RPS6KA6: variants seen among roughly 807,000 people sequenced by gnomAD.
RPS6KA6 encodes the protein ribosomal protein S6 kinase A6, also known as ribosomal protein S6 kinase alpha-6.
In RPS6KA6, 27 loss-of-function variants were observed where a neutral mutation model predicts 65.4. The observed-to-expected ratio is 0.41, with a 90% confidence interval of 0.30 to 0.57. RPS6KA6 has a LOEUF of 0.57. Ranked by LOEUF, RPS6KA6 falls within the 20% of genes least tolerant of loss-of-function variation. The probability of loss-of-function intolerance (pLI) is 0.24; values close to 1 mark genes in which losing one functional copy is unlikely to be tolerated. For missense variants in RPS6KA6, 486 were observed against 555.6 expected, an observed-to-expected ratio of 0.87 and a Z score of 1.26; for synonymous variants, 190 against 184.2, an observed-to-expected ratio of 1.03 and a Z score of -0.26.
intron 1 of RPS6KA6, among the ~76,000 whole-genome samples, chrX:84,172,660 T>C (rs1159583304): frequency 8.9e-6 from 1 of 112,087 alleles, no homozygotes; most frequent in Non-Finnish European, 1.9e-5. Context: ...AAGATATTTG[T>C]ACACCTATGT....
chrX:84,186,797 C>T (rs1216646745), intron 1 of RPS6KA6: 5 of 111,579 alleles, frequency 4.5e-5, no homozygotes, highest in Non-Finnish European at 1.9e-5. Context: ...ATTTCACCAA[C>T]TATTTTTAGG....
chrX:84,116,982 A>T, intron 11 of RPS6KA6, 78 bp downstream of exon 11: 1 of 673,787 alleles, frequency 1.5e-6, no homozygotes. Flanking sequence ...GCTCAAATCA[A>T]ACAAGAAAAC....
intron 20 of RPS6KA6, among the ~76,000 whole-genome samples, chrX:84,076,813 T>C (rs1401629402): frequency 9.0e-6 from 1 of 110,730 alleles, no homozygotes; most frequent in East Asian, 2.8e-4. Flanking sequence ...AAAAAAGACA[T>C]CCATATTAGA....
intron 9 of RPS6KA6, among the ~76,000 whole-genome samples, chrX:84,118,936 T>C (rs1487755653): frequency 8.9e-6 from 1 of 111,941 alleles, no homozygotes; most frequent in Admixed American, 9.5e-5. Flanking sequence ...CTTCACTTCC[T>C]CCACCTTTGC....
At chrX:84,130,079 C>T (rs1435455509) in intron 8 of RPS6KA6, among the ~76,000 whole-genome samples, 1 of 111,219 alleles carries the variant, frequency 9.0e-6, no homozygotes, top group Non-Finnish European at 1.9e-5. Context: ...TTAGGCATTG[C>T]ATGCCTGTAT....
chrX:84,187,568 G>A (rs369337520), intron 1 of RPS6KA6: 1 of 306,837 alleles, frequency 3.3e-6, no homozygotes, highest in Non-Finnish European at 5.7e-6. Context: ...CAACAACTCT[G>A]GCGTGGCCCG....
chrX:84,078,312 C>T (rs2033704597), intron 20 of RPS6KA6, among the ~76,000 whole-genome samples: 1 of 111,720 alleles, frequency 9.0e-6, no homozygotes, highest in African/African-American at 3.2e-5. Flanking sequence ...TCCAGTGTTG[C>T]CAAAGATGTG....
intron 8 of RPS6KA6, among the ~76,000 whole-genome samples, chrX:84,124,539 CTT>C (rs763397766): frequency 9.1e-6 from 1 of 110,330 alleles, no homozygotes; most frequent in Non-Finnish European, 1.9e-5. Context: ...ATGACAGTCT[CTT>C]AATAGAAGAA....
At chrX:84,163,967 A>G (rs2147607100) in intron 2 of RPS6KA6, among the ~76,000 whole-genome samples, 1 of 112,203 alleles carries the variant, frequency 8.9e-6, no homozygotes, top group Non-Finnish European at 1.9e-5. Flanking sequence ...CAAGTCAGAT[A>G]TCCTTTCTAC....
At chrX:84,187,745 C>A in intron 1 of RPS6KA6, 74 bp downstream of exon 1, 1 of 1,050,520 alleles carries the variant, frequency 9.5e-7, no homozygotes, top group South Asian at 2.0e-5. Context: ...CCTCTCCTCT[C>A]TCCGTCCCCA....
intron 1 of RPS6KA6, among the ~76,000 whole-genome samples, chrX:84,173,784 C>A (rs2035722374): frequency 9.0e-6 from 1 of 111,678 alleles, no homozygotes; most frequent in African/African-American, 3.3e-5. Flanking sequence ...CCCCAGCTTC[C>A]CAAAGCACAG....
At chrX:84,125,997 C>T (rs185608753) in intron 8 of RPS6KA6, among the ~76,000 whole-genome samples, 1 of 111,056 alleles carries the variant, frequency 9.0e-6, no homozygotes, top group African/African-American at 3.3e-5. Context: ...ATGAGTAAGT[C>T]CCGATTTATT....
At chrX:84,116,998 G>T in intron 11 of RPS6KA6, 62 bp downstream of exon 11, 1 of 743,553 alleles carries the variant, frequency 1.3e-6, no homozygotes, top group Middle Eastern at 3.7e-4. Flanking sequence ...AAAACATAAA[G>T]ATTTAATTAT....
intron 17 of RPS6KA6, 42 bp from the exon 18 acceptor site, chrX:84,102,240 C>T (rs932187263): frequency 3.0e-6 from 2 of 656,365 alleles, no homozygotes; most frequent in Non-Finnish European, 2.1e-6. Flanking sequence ...ATATAATTAA[C>T]TAAATATCTG....
At chrX:84,077,578 T>C (rs144634304) in intron 20 of RPS6KA6, among the ~76,000 whole-genome samples, 1,381 of 111,924 alleles carry the variant, frequency 0.012, 11 homozygotes, top group Non-Finnish European at 0.02. Flanking sequence ...TTTGACCATA[T>C]GTTGTACCAT....
intron 14 of RPS6KA6, among the ~76,000 whole-genome samples, 154 bp from the exon 15 acceptor site, chrX:84,106,641 C>T (rs1447340224): frequency 4.5e-5 from 5 of 111,291 alleles, no homozygotes; most frequent in Non-Finnish European, 9.5e-5. Context: ...TGAACCAATC[C>T]TTTCTTGATA....
intron 2 of RPS6KA6, among the ~76,000 whole-genome samples, chrX:84,164,072 A>C (rs1384639225): frequency 2.7e-5 from 3 of 112,262 alleles, no homozygotes; most frequent in African/African-American, 9.7e-5. Context: ...TATCCATTAC[A>C]CTTAAAATGG....
At chrX:84,077,869 G>C (rs182890513) in intron 20 of RPS6KA6, among the ~76,000 whole-genome samples, 1 of 111,922 alleles carries the variant, frequency 8.9e-6, no homozygotes, top group Non-Finnish European at 1.9e-5. Context: ...AGTTTCTATT[G>C]AATGTATATT....
intron 20 of RPS6KA6, among the ~76,000 whole-genome samples, chrX:84,088,737 C>T (rs1043907231): frequency 8.9e-6 from 1 of 112,279 alleles, no homozygotes; most frequent in African/African-American, 3.2e-5. Flanking sequence ...CTGAGTCGAA[C>T]AACCTGCAGA....
Sources: allele counts gnomAD v4.1 joint callset (sites outside exome capture counted in the v4.1 genomes callset), GRCh38; gene constraint gnomAD v4.1.1; transcripts MANE v1.5; gene names NCBI Gene and HGNC (gene_info 2026-07-23, HGNC 2026-07-21).